The following SYNPO2 variants were observed in gnomAD, a reference collection of about 807,000 sequenced individuals.
The protein encoded by SYNPO2 is synaptopodin 2, also known as synaptopodin-2.
A neutral mutation model predicts 85.0 loss-of-function variants in SYNPO2; 56 were observed. That is an observed-to-expected ratio of 0.66 (90% CI 0.53 to 0.82). SYNPO2 has a LOEUF of 0.82. Ranked by LOEUF, SYNPO2 falls within the 40% of genes least tolerant of loss-of-function variation. The pLI is 0.00. For synonymous variants in SYNPO2, 602 were observed against 591.1 expected (o/e 1.02, Z -0.27); for missense variants, 1,575 against 1,534.2 (o/e 1.03, Z -0.44).
chr4:118,882,830 T>A (rs545934981), intron 1 of SYNPO2, among the ~76,000 whole-genome samples: 4 of 151,604 alleles, frequency 2.6e-5, no homozygotes, highest in Admixed American at 6.6e-5. Context: ...AGTGCAATGG[T>A]GCGATCTCGG....
intron 1 of SYNPO2, among the ~76,000 whole-genome samples, chr4:118,901,679 A>G (rs1050350332): frequency 6.6e-6 from 1 of 152,230 alleles, no homozygotes; most frequent in South Asian, 2.1e-4. Context: ...TCACTTAATC[A>G]GGCATAGTAA....
intron 1 of SYNPO2, among the ~76,000 whole-genome samples, chr4:118,962,704 A>G (rs1252482535): frequency 1.3e-5 from 2 of 152,208 alleles, no homozygotes; most frequent in African/African-American, 2.4e-5. Context: ...GGCAAAATCA[A>G]GAACTGGGAA....
chr4:118,859,529 T>A (rs998229805), intron 1 of SYNPO2, among the ~76,000 whole-genome samples: 4 of 152,198 alleles, frequency 2.6e-5, no homozygotes, highest in Admixed American at 2.6e-4. Context: ...TCTAACTACT[T>A]TTTTGTACCC....
At chr4:119,011,043 A>G (rs1737279839) in intron 1 of SYNPO2, among the ~76,000 whole-genome samples, 2 of 152,228 alleles carry the variant, frequency 1.3e-5, no homozygotes, top group African/African-American at 4.8e-5. Context: ...GAGAACTATT[A>G]GTCAATCGCA....
chr4:119,057,821 G>C lies in SYNPO2; in HGVS notation c.3673G>C (p.Ala1225Pro). The change falls in exon 5 of 5, where the codon GCT (alanine) becomes CCT (proline). Residue 1225 changes from alanine (A) to proline (P), a missense_variant. Transcript: ENST00000307142. ...GTTGCCATATGCATATTATAGGCAG[G>C]CTTCAAGAAATGATTCTGCAATCAT... ...SQLPYAYYRQASRNDSAIMSM... is the reference protein window; with the variant it reads ...SQLPYAYYRQPSRNDSAIMSM... 1 of 1,614,028 alleles carries C rather than the reference G, an allele frequency of 6.2e-7. No homozygotes were observed. The highest frequency in any genetic ancestry group is 8.5e-7 in the Non-Finnish European group (1 of 1,180,014).
intron 1 of SYNPO2, among the ~76,000 whole-genome samples, chr4:118,860,560 TTG>T (rs199534228): frequency 0.057 from 4,375 of 76,366 alleles, 309 homozygotes; most frequent in African/African-American, 0.13. Context: ...GCCTTTTTTT[TTG>T]TTTTTTTTTT....
intron 1 of SYNPO2, among the ~76,000 whole-genome samples, chr4:118,922,221 T>C (rs1050470445): frequency 1.3e-5 from 2 of 151,548 alleles, no homozygotes; most frequent in Non-Finnish European, 2.9e-5. Flanking sequence ...TTTGTTACTC[T>C]GGAGTTGTTT....
intron 2 of SYNPO2, among the ~76,000 whole-genome samples, chr4:119,025,645 C>T (rs544733439): frequency 7.5e-4 from 114 of 152,156 alleles, no homozygotes; most frequent in Middle Eastern, 3.4e-3. Flanking sequence ...CTGCATGAGT[C>T]ATAACTGTCT....
chr4:118,880,252 G>C (rs1251512410), intron 1 of SYNPO2, among the ~76,000 whole-genome samples: 1 of 152,080 alleles, frequency 6.6e-6, no homozygotes, highest in Non-Finnish European at 1.5e-5. Context: ...TTGTGCATTG[G>C]GAAGAAACTA....
intron 1 of SYNPO2, among the ~76,000 whole-genome samples, chr4:118,894,134 A>T (rs1732467899): frequency 6.6e-6 from 1 of 151,794 alleles, no homozygotes; most frequent in Non-Finnish European, 1.5e-5. Context: ...AATTGTCATG[A>T]AAATTCAAGA....
chr4:119,013,166 A>G (rs773873850), intron 1 of SYNPO2, among the ~76,000 whole-genome samples: 1 of 152,208 alleles, frequency 6.6e-6, no homozygotes, highest in East Asian at 1.9e-4. Context: ...AACCACTTGC[A>G]CCTTAGCCCT....
intron 1 of SYNPO2, among the ~76,000 whole-genome samples, chr4:118,910,553 T>C (rs1733101630): frequency 1.3e-5 from 2 of 152,082 alleles, no homozygotes; most frequent in African/African-American, 4.8e-5. Context: ...TTCTGCTAAT[T>C]GATAAGATAG....
intron 1 of SYNPO2, among the ~76,000 whole-genome samples, chr4:118,981,680 C>T (rs1736013291): frequency 6.6e-6 from 1 of 152,152 alleles, no homozygotes; most frequent in Non-Finnish European, 1.5e-5. Flanking sequence ...ACTCATAGCC[C>T]ACCCTAGTCC....
chr4:118,934,685 T>A (rs1487841029), intron 1 of SYNPO2, among the ~76,000 whole-genome samples: 1 of 152,176 alleles, frequency 6.6e-6, no homozygotes, highest in East Asian at 1.9e-4. Context: ...TACAATGGAA[T>A]CTTAGAAATA....
At chr4:118,928,068 AG>A (rs1242241029) in intron 1 of SYNPO2, among the ~76,000 whole-genome samples, 1 of 152,180 alleles carries the variant, frequency 6.6e-6, no homozygotes, top group Non-Finnish European at 1.5e-5. Context: ...CCATCACAGG[AG>A]GTTTGCTAGG....
At chr4:118,865,838 G>T (rs770175314) in intron 1 of SYNPO2, among the ~76,000 whole-genome samples, 2 of 152,186 alleles carry the variant, frequency 1.3e-5, no homozygotes, top group Non-Finnish European at 2.9e-5. Context: ...GGAAAACAAT[G>T]GGTGAAGTTA....
intron 1 of SYNPO2, among the ~76,000 whole-genome samples, chr4:119,001,263 G>C (rs1024869332): frequency 6.6e-6 from 1 of 152,194 alleles, no homozygotes; most frequent in Admixed American, 6.5e-5. Flanking sequence ...AAGAAAAATT[G>C]CTTCTCCACC....
chr4:118,882,882 G>A (rs1449341419), intron 1 of SYNPO2, among the ~76,000 whole-genome samples: 3 of 151,506 alleles, frequency 2.0e-5, no homozygotes, highest in African/African-American at 7.3e-5. Context: ...CCATTCTCCT[G>A]CCTCAACCTC....
intron 4 of SYNPO2, chr4:119,038,422 TC>T: frequency 1.0e-6 from 1 of 985,420 alleles, no homozygotes; most frequent in African/African-American, 1.7e-5. Flanking sequence ...CAAAATTCTT[TC>T]ATTTTCTTAT....
Sources: gnomAD v4.1 joint callset for allele counts (sites outside exome capture counted in the v4.1 genomes callset) on GRCh38, gnomAD v4.1.1 for gene constraint, MANE v1.5 for transcripts, NCBI Gene and HGNC (gene_info 2026-07-23, HGNC 2026-07-21) for gene names.